The following KCND2 variants were observed in gnomAD, a reference collection of about 807,000 sequenced individuals.
The protein encoded by KCND2 is A-type voltage-gated potassium channel KCND2.
A neutral mutation model predicts 54.4 loss-of-function variants in KCND2; 16 were observed. The observed-to-expected ratio is 0.29, with a 90% confidence interval of 0.20 to 0.45. KCND2 has a LOEUF of 0.45. KCND2 is among the 20% of genes least tolerant of loss of function. KCND2 has a pLI of 1.00. For synonymous variants in KCND2, 317 were observed against 310.7 expected (o/e 1.02, Z -0.21); for missense variants, 486 against 824.2 (o/e 0.59, Z 5.02).
chr7:120,404,528 A>G (rs1801320363), intron 1 of KCND2, among the ~76,000 whole-genome samples: 1 of 152,186 alleles, frequency 6.6e-6, no homozygotes, highest in African/African-American at 2.4e-5. Context: ...TTTGCAGGAA[A>G]AAAGAAAGAA....
At chr7:120,701,901 G>A (rs80261074) in intron 1 of KCND2, among the ~76,000 whole-genome samples, 2,056 of 152,258 alleles carry the variant, frequency 0.014, 36 homozygotes, top group African/African-American at 0.039. Context: ...GAAAAAAGCA[G>A]TGATTTCATG....
At chr7:120,434,214 G>A (rs542770899) in intron 1 of KCND2, among the ~76,000 whole-genome samples, 71 of 152,180 alleles carry the variant, frequency 4.7e-4, no homozygotes, top group Non-Finnish European at 8.1e-4. Context: ...TATACTAAGC[G>A]TGGTTATGAG....
At chr7:120,635,617 A>T (rs1171541812) in intron 1 of KCND2, among the ~76,000 whole-genome samples, 1 of 152,190 alleles carries the variant, frequency 6.6e-6, no homozygotes, top group Admixed American at 6.5e-5. Context: ...TATCCTAAGG[A>T]ATGTTTCCAT....
intron 1 of KCND2, among the ~76,000 whole-genome samples, chr7:120,438,710 G>A (rs931959627): frequency 6.6e-6 from 1 of 152,036 alleles, no homozygotes; most frequent in African/African-American, 2.4e-5. Context: ...TGTCACACAT[G>A]AAAAAATATA....
At chr7:120,746,078 T>C in intron 5 of KCND2, 51 bp downstream of exon 5, 1 of 1,598,360 alleles carries the variant, frequency 6.3e-7, no homozygotes, top group Non-Finnish European at 8.5e-7. Context: ...GTTCCCAGGG[T>C]GTGTCTTCTG....
chr7:120,287,630 A>T (rs1369964952), intron 1 of KCND2, among the ~76,000 whole-genome samples: 1 of 152,090 alleles, frequency 6.6e-6, no homozygotes, highest in Non-Finnish European at 1.5e-5. Context: ...AGGTGGGTGG[A>T]TCACTTGAGA....
rs934233516 is a variant in KCND2 at position 120,444,994 on chromosome 7, C to A, written c.1115+169247C>A. On this transcript the variant is annotated intron_variant, in intron 1 of 5. Coordinates refer to ENST00000331113, the MANE Select transcript of KCND2 (RefSeq NM_012281.3). ...ATTTCAGGCAATTTAATTTTCTGCC[C>A]ACTTCACAAAGAAATGTCAGGCTGA... Among the ~76,000 whole-genome samples the A allele has an allele frequency of 8.5e-5, 13 of 152,124 alleles. No individual in the cohort carries two copies. The East Asian group carries it at 2.5e-3, about 29-fold the overall frequency.
At chr7:120,515,508 G>C (rs1803182968) in intron 1 of KCND2, among the ~76,000 whole-genome samples, 1 of 152,114 alleles carries the variant, frequency 6.6e-6, no homozygotes. Flanking sequence ...CTAGGACTGG[G>C]AGAACAGAAA....
intron 1 of KCND2, among the ~76,000 whole-genome samples, chr7:120,330,774 G>A (rs1353666333): frequency 1.3e-5 from 2 of 151,966 alleles, no homozygotes; most frequent in Non-Finnish European, 2.9e-5. Context: ...AATCTTGAAG[G>A]TGCAGAGCAA....
intron 1 of KCND2, among the ~76,000 whole-genome samples, chr7:120,349,788 T>C (rs62470541): frequency 0.1 from 15,467 of 152,234 alleles, 813 homozygotes; most frequent in Admixed American, 0.13. Context: ...TTTGTTAATT[T>C]TCTTATTCAT....
intron 1 of KCND2, among the ~76,000 whole-genome samples, chr7:120,668,215 G>T (rs35540900): frequency 1.3e-5 from 2 of 151,740 alleles, no homozygotes; most frequent in Non-Finnish European, 2.9e-5. Context: ...TTCACACGTC[G>T]ATGGTAACAT....
chr7:120,457,567 C>T (rs1468432782), intron 1 of KCND2, among the ~76,000 whole-genome samples: 1 of 152,200 alleles, frequency 6.6e-6, no homozygotes, highest in Admixed American at 6.5e-5. Flanking sequence ...CATCTGAGAT[C>T]ACCTCAGCCT....
rs746823484 is a variant in KCND2, at chr7:120,274,696, G to T, written c.64G>T (p.Val22Leu). 70 of 1,614,062 alleles carry T rather than the reference G, an allele frequency of 4.3e-5. No individual in the cohort carries two copies. The highest frequency in any genetic ancestry group is 5.7e-5 in the Non-Finnish European group (67 of 1,180,012). The change falls in exon 1 of 6, where the codon GTG (valine) becomes TTG (leucine). Residue 22 changes from valine (V) to leucine (L), a missense_variant. By Grantham distance (32) the Val-to-Leu change is conservative. Transcript: ENST00000331113. Reference protein sequence around the residue: ...ARAAAIGWMPVASGPMPAPPR... With the variant: ...ARAAAIGWMPLASGPMPAPPR... ...GGCAGCGGCTATCGGGTGGATGCCT[G>T]TGGCCTCGGGGCCTATGCCGGCTCC...
At chr7:120,604,287 A>C (rs552476149) in intron 1 of KCND2, among the ~76,000 whole-genome samples, 1 of 148,616 alleles carries the variant, frequency 6.7e-6, no homozygotes, top group South Asian at 2.2e-4. Context: ...GGATTACCTG[A>C]GGTCAGGAGT....
At position 120,741,570 on chromosome 7, in the gene KCND2, G is replaced by C; in HGVS notation, c.1315G>C (p.Gly439Arg). 6 of 1,613,302 alleles carry C rather than the reference G, an allele frequency of 3.7e-6. No individual in the cohort carries two copies. Among genetic ancestry groups the C allele is most frequent in the Non-Finnish European group, 4.2e-6 (5 of 1,179,446 alleles). The change falls in exon 3 of 6, where the codon GGA becomes CGA. Residue 439 changes from glycine to arginine, a missense_variant. Transcript: ENST00000331113. ...GGCCAGGATCCGGGCAGCCAAAAGC[G>C]GAAGCGCAAATGCTTACATGCAGAG... ...RLARIRAAKS[G>R]SANAYMQSKR...
At chr7:120,336,155 C>T (rs1256231310) in intron 1 of KCND2, among the ~76,000 whole-genome samples, 1 of 152,104 alleles carries the variant, frequency 6.6e-6, no homozygotes, top group African/African-American at 2.4e-5. Context: ...AAACGCACTG[C>T]TCAAGAATAT....
rs546504634 is a variant in KCND2, at chr7:120,551,641, A to G, written c.1116-181262A>G. On this transcript the variant is annotated intron_variant, in intron 1 of 5. Coordinates refer to ENST00000331113, the MANE Select transcript of KCND2 (RefSeq NM_012281.3). Reference sequence around the variant, plus strand: ...AATTGTCACAAAATACTGTTGTAAAAGTCAAATGATTCCTTAATAGGTAAA... The same window carrying G: ...AATTGTCACAAAATACTGTTGTAAAGGTCAAATGATTCCTTAATAGGTAAA... Among the ~76,000 whole-genome samples, 6 of 152,350 alleles carry G rather than the reference A, an allele frequency of 3.9e-5. No individual in the cohort carries two copies. In the East Asian group the frequency reaches 1.2e-3, roughly 29 times the overall value.
intron 1 of KCND2, among the ~76,000 whole-genome samples, chr7:120,351,666 T>C (rs1800408315): frequency 6.6e-6 from 1 of 152,092 alleles, no homozygotes; most frequent in Non-Finnish European, 1.5e-5. Flanking sequence ...TTGCCTTCAT[T>C]GTGTGATTTG....
chr7:120,386,501 A>G (rs1800989670), intron 1 of KCND2, among the ~76,000 whole-genome samples: 1 of 152,154 alleles, frequency 6.6e-6, no homozygotes, highest in African/African-American at 2.4e-5. Context: ...GGACCCAACA[A>G]CAAAGAGTAA....
Sources: allele counts gnomAD v4.1 joint callset (sites outside exome capture counted in the v4.1 genomes callset), GRCh38; gene constraint gnomAD v4.1.1; transcripts MANE v1.5; gene names NCBI Gene and HGNC (gene_info 2026-07-23, HGNC 2026-07-21).